The following MTOR variants were observed in gnomAD, a reference collection of about 807,000 sequenced individuals.
MTOR encodes the protein mechanistic target of rapamycin kinase.
Under a neutral mutation model 319.8 loss-of-function variants are expected in MTOR, and 70 were observed. The observed-to-expected ratio is 0.22, with a 90% CI of 0.18 to 0.27. The LOEUF (loss-of-function observed/expected upper bound fraction) is 0.27. Ranked by LOEUF, MTOR falls within the 10% of genes least tolerant of loss-of-function variation. MTOR has a pLI of 1.00. For missense variants in MTOR, 1,890 were observed against 3,274.4 expected (o/e 0.58, Z 10.32); for synonymous variants, 1,183 against 1,211.4 (o/e 0.98, Z 0.49).
At chr1:11,216,060 G>T in intron 20 of MTOR, 88 bp downstream of exon 20, 1 of 889,438 alleles carries the variant, frequency 1.1e-6, no homozygotes, top group Non-Finnish European at 1.8e-6. Context: ...ACAAAGATCC[G>T]TGAAAAAAAG....
intron 46 of MTOR, among the ~76,000 whole-genome samples, chr1:11,125,525 G>A (rs1034644791): frequency 1.3e-5 from 2 of 151,416 alleles, no homozygotes; most frequent in Non-Finnish European, 2.9e-5. Flanking sequence ...CAGGTCGGGA[G>A]TTTGAGACCA....
chr1:11,208,257 C>G (rs1433194612), intron 25 of MTOR, among the ~76,000 whole-genome samples: 2 of 152,236 alleles, frequency 1.3e-5, no homozygotes, highest in Non-Finnish European at 2.9e-5. Context: ...CAGCATCACT[C>G]CTGACCCAGG....
At chr1:11,235,433 G>A (rs746860697) in intron 13 of MTOR, among the ~76,000 whole-genome samples, 7 of 151,952 alleles carry the variant, frequency 4.6e-5, no homozygotes, top group South Asian at 2.1e-4. Flanking sequence ...GCAGTGAGAC[G>A]AGATCCCACC....
At chr1:11,166,777 A>C (rs950788816) in intron 29 of MTOR, among the ~76,000 whole-genome samples, 4 of 152,236 alleles carry the variant, frequency 2.6e-5, no homozygotes, top group African/African-American at 9.6e-5. Context: ...TCATGCTGCT[A>C]TAAAGACACA....
chr1:11,224,038 C>CAAAATAAAATAAAATAAAAT (rs370686856), intron 19 of MTOR, among the ~76,000 whole-genome samples: 23 of 143,372 alleles, frequency 1.6e-4, no homozygotes, highest in East Asian at 6.0e-4. Context: ...TACTCCGTCT[C>CAAAATAAAATAAAATAAAAT]AAAATAAAAT....
chr1:11,218,135 A>G (rs955259539), intron 19 of MTOR, among the ~76,000 whole-genome samples: 1 of 152,154 alleles, frequency 6.6e-6, no homozygotes, highest in Non-Finnish European at 1.5e-5. Context: ...GTCCCTATAC[A>G]AATATGTTAT....
At chr1:11,243,875 T>A (rs1648431015) in intron 8 of MTOR, among the ~76,000 whole-genome samples, 2 of 152,006 alleles carry the variant, frequency 1.3e-5, no homozygotes, top group African/African-American at 4.8e-5. Flanking sequence ...AGTACAGTCA[T>A]GGGCCGGGTG....
At position 11,121,168 on chromosome 1, in the gene MTOR, C is replaced by T; in HGVS notation, c.6933+78G>A. On this transcript the variant is annotated intron_variant, in intron 49 of 57. Transcript: ENST00000361445. The surrounding 1 kb of genome is among the most constrained non-coding windows in gnomAD (Gnocchi z 4.9). ...CAGCAAAGAAGAGCCGCTGTGTGCA[C>T]ATGAACAGATGGGAGGGCCATCCTA... The T allele has an allele frequency of 6.3e-7, 1 of 1,586,224 alleles. No homozygotes were observed. Among genetic ancestry groups the T allele is most frequent in the Non-Finnish European group, 8.5e-7 (1 of 1,169,706 alleles).
At chr1:11,240,698 T>A (rs1647890387) in intron 10 of MTOR, 151 bp from the exon 11 acceptor site, 1 of 1,075,104 alleles carries the variant, frequency 9.3e-7, no homozygotes, top group African/African-American at 1.6e-5. Flanking sequence ...AAGTGTAAAC[T>A]CTCTTGGCTT....
chr1:11,157,393 C>T (rs1644352217), intron 29 of MTOR, 102 bp from the exon 30 acceptor site: 2 of 1,360,662 alleles, frequency 1.5e-6, no homozygotes, highest in Admixed American at 2.7e-5. Flanking sequence ...GTACGCATGA[C>T]ACTTCACCTA....
chr1:11,222,575 G>A (rs140216821), intron 19 of MTOR, among the ~76,000 whole-genome samples: 52 of 152,134 alleles, frequency 3.4e-4, no homozygotes, highest in African/African-American at 1.2e-3. Flanking sequence ...CTGGGCTCAA[G>A]CAATCCTCTC....
At chr1:11,139,072 A>C (rs774128902) in intron 36 of MTOR, 4 of 509,722 alleles carry the variant, frequency 7.8e-6, no homozygotes, top group Non-Finnish European at 1.3e-5. Context: ...ACAAATACAT[A>C]TAACTGTGAT....
In MTOR at chr1:11,234,198, T is replaced by C; in HGVS notation, c.2276A>G (p.His759Arg). ...IKEQSARMLG[H>R]LVSNAPRLIR... ...GAGTCGGGGGGCATTGGAGACCAGG[T>C]GCCCCAGCATGCGGGCACTCTGCTC... is the stretch of plus-strand genomic sequence containing the variant. The change falls in exon 14 of 58, where the codon CAC (histidine) becomes CGC (arginine). Residue 759 changes from histidine to arginine, a missense_variant. His to Arg is a conservative substitution (Grantham distance 29). Around this residue, in one of 15 missense-constraint regions of MTOR, gnomAD observed 377 missense variants for 653.9 expected, o/e 0.58. Transcript: ENST00000361445. 6.2e-7 allele frequency: 1 copy of C among 1,614,138 alleles called. No individual in the cohort carries two copies. Among genetic ancestry groups the C allele is most frequent in the South Asian group, 1.1e-5 (1 of 91,076 alleles).
chr1:11,124,420 T>C, intron 47 of MTOR, 78 bp downstream of exon 47: 2 of 1,543,800 alleles, frequency 1.3e-6, no homozygotes, highest in Non-Finnish European at 1.8e-6. Context: ...TAAGATATAA[T>C]ACATGACTAC....
chr1:11,147,268 C>G (rs1643963161), intron 31 of MTOR, among the ~76,000 whole-genome samples: 1 of 152,098 alleles, frequency 6.6e-6, no homozygotes, highest in African/African-American at 2.4e-5. Flanking sequence ...AGACAAATAG[C>G]TTGCCCATTT....
intron 26 of MTOR, among the ~76,000 whole-genome samples, chr1:11,202,232 A>G (rs775287728): frequency 7.2e-5 from 11 of 152,116 alleles, no homozygotes; most frequent in Admixed American, 3.3e-4. Flanking sequence ...GATCGAGACC[A>G]TCCTGGCTAA....
intron 38 of MTOR, chr1:11,131,449 G>C (rs1643153476): frequency 6.5e-6 from 1 of 152,884 alleles, no homozygotes; most frequent in South Asian, 2.1e-4. Flanking sequence ...GCAAGCAGAA[G>C]TGGGGGCAAG....
At chr1:11,197,204 G>C (rs960344288) in intron 28 of MTOR, among the ~76,000 whole-genome samples, 1 of 152,120 alleles carries the variant, frequency 6.6e-6, no homozygotes, top group Non-Finnish European at 1.5e-5. Context: ...GTGGCTCAGG[G>C]ACATAAAACC....
chr1:11,165,412 C>A (rs1644611667), intron 29 of MTOR, among the ~76,000 whole-genome samples: 2 of 152,154 alleles, frequency 1.3e-5, no homozygotes, highest in South Asian at 4.1e-4. Flanking sequence ...AATACAAAAT[C>A]AATGTGCAAA....
Sources: allele counts gnomAD v4.1 joint callset (sites outside exome capture counted in the v4.1 genomes callset), GRCh38; gene constraint gnomAD v4.1.1; regional missense constraint gnomAD v4.1.1; non-coding constraint Gnocchi (gnomAD v3.1); transcripts MANE v1.5; gene names NCBI Gene and HGNC (gene_info 2026-07-23, HGNC 2026-07-21).